The following GABRB1 variants were observed in gnomAD, a reference collection of about 807,000 sequenced individuals.
GABRB1 encodes gamma-aminobutyric acid type A receptor subunit beta1.
GABRB1 carries 17 observed loss-of-function variants against 51.6 expected under a neutral mutation model. The ratio of observed to expected loss-of-function variants is 0.33; its 90% CI spans 0.23 to 0.49. GABRB1 has a LOEUF of 0.49. Ranked by LOEUF, GABRB1 falls within the 20% of genes least tolerant of loss-of-function variation. The pLI is 0.99. For synonymous variants in GABRB1, 247 were observed against 218.9 expected, an observed-to-expected ratio of 1.13 and a Z score of -1.14; for missense variants, 410 against 600.6, an observed-to-expected ratio of 0.68 and a Z score of 3.32.
At chr4:47,170,303 T>C (rs137979697) in intron 4 of GABRB1, among the ~76,000 whole-genome samples, 38 of 151,990 alleles carry the variant, frequency 2.5e-4, no homozygotes, top group African/African-American at 8.4e-4. Context: ...CCTTGGAGAA[T>C]CATCTCATCT....
intron 1 of GABRB1, among the ~76,000 whole-genome samples, chr4:47,022,941 G>A (rs1724968683): frequency 6.6e-6 from 1 of 152,038 alleles, no homozygotes; most frequent in African/African-American, 2.4e-5. Flanking sequence ...ATGAACAGAT[G>A]AATGAATAAA....
At chr4:47,136,426 G>A (rs946051959) in intron 3 of GABRB1, among the ~76,000 whole-genome samples, 1 of 151,916 alleles carries the variant, frequency 6.6e-6, no homozygotes, top group African/African-American at 2.4e-5. Context: ...TAAAAAAAAT[G>A]GTAACTGCTA....
chr4:47,059,581 T>C (rs1726762047), intron 3 of GABRB1, among the ~76,000 whole-genome samples: 2 of 152,196 alleles, frequency 1.3e-5, no homozygotes, highest in South Asian at 4.1e-4. Context: ...TTAATATTTT[T>C]ATGTAGTTGT....
At chr4:47,220,860 C>G (rs904760562) in intron 4 of GABRB1, among the ~76,000 whole-genome samples, 31 of 152,000 alleles carry the variant, frequency 2.0e-4, no homozygotes, top group African/African-American at 7.0e-4. Flanking sequence ...CCAATTGAAT[C>G]TAACAGACTG....
At chr4:47,328,404 T>G (rs1725334043) in intron 5 of GABRB1, among the ~76,000 whole-genome samples, 1 of 152,182 alleles carries the variant, frequency 6.6e-6, no homozygotes, top group Admixed American at 6.6e-5. Context: ...ATGTCCTGAA[T>G]GGTCTTGCCT....
At chr4:47,336,009 A>G (rs892779686) in intron 5 of GABRB1, among the ~76,000 whole-genome samples, 3 of 130,986 alleles carry the variant, frequency 2.3e-5, no homozygotes. Flanking sequence ...GTTCTGTTTT[A>G]GACATTCAAG....
At chr4:47,085,281 T>C (rs958733528) in intron 3 of GABRB1, among the ~76,000 whole-genome samples, 1 of 152,186 alleles carries the variant, frequency 6.6e-6, no homozygotes, top group African/African-American at 2.4e-5. Context: ...TTTTTCCCCT[T>C]ATGACATCAG....
intron 3 of GABRB1, among the ~76,000 whole-genome samples, chr4:47,042,524 ACTT>A (rs1175082920): frequency 2.7e-5 from 4 of 149,408 alleles, no homozygotes; most frequent in African/African-American, 9.8e-5. Context: ...AATAATCACT[ACTT>A]TTCATTTTCC....
chr4:47,171,761 A>G (rs1008154388), intron 4 of GABRB1, among the ~76,000 whole-genome samples: 1 of 152,270 alleles, frequency 6.6e-6, no homozygotes, highest in African/African-American at 2.4e-5. Flanking sequence ...TAGAATTGAG[A>G]TAATACTATC....
At chr4:47,142,911 A>G (rs1376133860) in intron 3 of GABRB1, among the ~76,000 whole-genome samples, 2 of 151,876 alleles carry the variant, frequency 1.3e-5, no homozygotes, top group African/African-American at 2.4e-5. Flanking sequence ...CGAAACAAAT[A>G]TGTTTCTTCT....
At chr4:47,424,372 G>T (rs544237194) in intron 8 of GABRB1, among the ~76,000 whole-genome samples, 2 of 152,056 alleles carry the variant, frequency 1.3e-5, no homozygotes, top group Non-Finnish European at 2.9e-5. Flanking sequence ...TTAAAATAGG[G>T]TTGCTGTATT....
At chr4:47,251,272 T>C (rs1228786725) in intron 4 of GABRB1, among the ~76,000 whole-genome samples, 2 of 152,208 alleles carry the variant, frequency 1.3e-5, no homozygotes, top group African/African-American at 2.4e-5. Flanking sequence ...ACTGGAGTTA[T>C]CTGCACAGAG....
At chr4:47,030,308 CG>C (rs1026991740), upstream of GABRB1, among the ~76,000 whole-genome samples, 16 of 152,072 alleles carry the variant, frequency 1.1e-4, no homozygotes, top group Admixed American at 3.9e-4. Flanking sequence ...TTTTCTATTA[CG>C]TTTTTTTGTT....
chr4:47,228,601 G>A (rs914649311), intron 4 of GABRB1, among the ~76,000 whole-genome samples: 1 of 151,974 alleles, frequency 6.6e-6, no homozygotes, highest in African/African-American at 2.4e-5. Context: ...CTCATCTTCT[G>A]GAGGATATGT....
At chr4:47,022,388 C>T (rs1724951177) in intron 1 of GABRB1, among the ~76,000 whole-genome samples, 1 of 152,024 alleles carries the variant, frequency 6.6e-6, no homozygotes, top group African/African-American at 2.4e-5. Flanking sequence ...ATTTTAAAAA[C>T]ATTGCTTCAT....
chr4:47,334,235 A>T (rs1239226028), intron 5 of GABRB1, among the ~76,000 whole-genome samples: 1 of 152,170 alleles, frequency 6.6e-6, no homozygotes, highest in Non-Finnish European at 1.5e-5. Flanking sequence ...ATAAATAAAT[A>T]AGTAAATAAA....
chr4:47,258,209 T>A (rs1722291524), intron 4 of GABRB1, among the ~76,000 whole-genome samples: 2 of 152,108 alleles, frequency 1.3e-5, no homozygotes, highest in African/African-American at 4.8e-5. Context: ...AAAGTTAAAG[T>A]ACATAAAATC....
intron 1 of GABRB1, among the ~76,000 whole-genome samples, chr4:47,009,013 A>G (rs897609678): frequency 2.7e-5 from 4 of 146,756 alleles, no homozygotes; most frequent in Admixed American, 6.8e-5. Context: ...ACAGGCGCCC[A>G]CCACCACGCC....
intron 5 of GABRB1, among the ~76,000 whole-genome samples, chr4:47,400,921 C>CT (rs71195629): frequency 0.027 from 2,695 of 98,452 alleles, 77 homozygotes; most frequent in Non-Finnish European, 0.033. Flanking sequence ...TTGTTCTTCT[C>CT]TTTTTTTTTT....
Sources: allele counts gnomAD v4.1 joint callset (sites outside exome capture counted in the v4.1 genomes callset), GRCh38; gene constraint gnomAD v4.1.1; transcripts MANE v1.5; gene names NCBI Gene and HGNC (gene_info 2026-07-23, HGNC 2026-07-21).